Variants in ZNF385D observed in about 807,000 individuals in gnomAD.
ZNF385D encodes zinc finger protein 385D, also known as zinc finger protein 659.
Under a neutral mutation model 35.8 loss-of-function variants are expected in ZNF385D, and 15 were observed. The ratio of observed to expected loss-of-function variants is 0.42; its 90% CI spans 0.28 to 0.64. The LOEUF is 0.64. Ranked by LOEUF, ZNF385D falls within the 30% of genes least tolerant of loss-of-function variation. The pLI is 0.23. For missense variants in ZNF385D, 474 were observed against 494.6 expected, an observed-to-expected ratio of 0.96 and a Z score of 0.39; for synonymous variants, 212 against 186.8, an observed-to-expected ratio of 1.13 and a Z score of -1.10.
chr3:22,231,566 C>G (rs1009551647), intron 2 of ZNF385D, among the ~76,000 whole-genome samples: 6 of 152,030 alleles, frequency 3.9e-5, no homozygotes, highest in African/African-American at 1.2e-4. Context: ...TTGGGGACAC[C>G]AAGGTCTCTG....
intron 2 of ZNF385D, among the ~76,000 whole-genome samples, chr3:22,321,881 TTTA>T (rs1694453538): frequency 6.6e-6 from 1 of 152,100 alleles, no homozygotes; most frequent in Non-Finnish European, 1.5e-5. Flanking sequence ...CTACACTCCC[TTTA>T]TTGAGTGTCT....
intron 3 of ZNF385D, among the ~76,000 whole-genome samples, chr3:21,904,637 A>G (rs1480503114): frequency 6.6e-6 from 1 of 152,200 alleles, no homozygotes; most frequent in Non-Finnish European, 1.5e-5. Flanking sequence ...AATGCAGAAT[A>G]ACACAAATCA....
intron 3 of ZNF385D, among the ~76,000 whole-genome samples, chr3:21,831,239 A>G (rs2125763395): frequency 6.6e-6 from 1 of 152,232 alleles, no homozygotes; most frequent in South Asian, 2.1e-4. Context: ...TCAAAATTTA[A>G]CTGTTCCAGT....
intron 3 of ZNF385D, among the ~76,000 whole-genome samples, chr3:21,892,736 G>A (rs1698936484): frequency 6.6e-6 from 1 of 151,868 alleles, no homozygotes; most frequent in Admixed American, 6.6e-5. Context: ...ACCTCAATTG[G>A]TCTATAGCCC....
chr3:21,722,136 G>A (rs1440309329), intron 1 of ZNF385D, among the ~76,000 whole-genome samples: 1 of 151,074 alleles, frequency 6.6e-6, no homozygotes, highest in Non-Finnish European at 1.5e-5. Flanking sequence ...TGCAAACACA[G>A]GAGAGCAGCA....
intron 2 of ZNF385D, among the ~76,000 whole-genome samples, chr3:21,609,077 C>G (rs1049751634): frequency 6.6e-6 from 1 of 152,172 alleles, no homozygotes; most frequent in African/African-American, 2.4e-5. Flanking sequence ...GTTGTTTTCC[C>G]ACCTGTGCCA....
chr3:21,905,982 C>T (rs761549437), intron 3 of ZNF385D, among the ~76,000 whole-genome samples: 2 of 152,072 alleles, frequency 1.3e-5, no homozygotes, highest in Non-Finnish European at 2.9e-5. Context: ...AGAAAACCTA[C>T]AAATAAATAC....
chr3:21,761,578 C>A (rs552402024), intron 3 of ZNF385D, among the ~76,000 whole-genome samples: 2 of 152,044 alleles, frequency 1.3e-5, no homozygotes, highest in Non-Finnish European at 2.9e-5. Flanking sequence ...CAAGAACCAA[C>A]ATAGAGAGGT....
chr3:21,776,727 TG>T (rs1177371177), intron 3 of ZNF385D, among the ~76,000 whole-genome samples: 1 of 151,906 alleles, frequency 6.6e-6, no homozygotes, highest in Admixed American at 6.6e-5. Context: ...AAAGTAAAGT[TG>T]AACAAAGAAT....
chr3:22,123,129 T>C (rs912938728), intron 3 of ZNF385D, among the ~76,000 whole-genome samples: 1 of 150,844 alleles, frequency 6.6e-6, no homozygotes, highest in African/African-American at 2.4e-5. Context: ...TTGTTGGGAG[T>C]GATTAGAATA....
chr3:22,115,755 G>T (rs982954270), intron 3 of ZNF385D, among the ~76,000 whole-genome samples: 4 of 152,064 alleles, frequency 2.6e-5, no homozygotes, highest in African/African-American at 9.7e-5. Context: ...AATATGTACA[G>T]CTTTAGTCAT....
At chr3:21,748,701 T>G (rs1340003705) in intron 1 of ZNF385D, among the ~76,000 whole-genome samples, 3 of 152,232 alleles carry the variant, frequency 2.0e-5, no homozygotes, top group Non-Finnish European at 2.9e-5. Context: ...CCAACCAATT[T>G]GCAAAGTGAA....
chr3:22,252,869 C>A (rs1479948804), intron 2 of ZNF385D, among the ~76,000 whole-genome samples: 3 of 152,218 alleles, frequency 2.0e-5, no homozygotes, highest in South Asian at 2.1e-4. Flanking sequence ...AAGAGGCACA[C>A]TGGCGAAGAC....
chr3:21,553,139 A>G (rs887565696), intron 3 of ZNF385D, among the ~76,000 whole-genome samples: 1 of 152,218 alleles, frequency 6.6e-6, no homozygotes, highest in African/African-American at 2.4e-5. Flanking sequence ...TGGAACCTGC[A>G]GAAATAACAT....
At chr3:21,903,042 A>G (rs1478414357) in intron 3 of ZNF385D, among the ~76,000 whole-genome samples, 1 of 152,142 alleles carries the variant, frequency 6.6e-6, no homozygotes, top group Non-Finnish European at 1.5e-5. Flanking sequence ...TGGCATGGTG[A>G]TTTGTAAGTA....
At chr3:21,657,482 T>C (rs1361060692) in intron 2 of ZNF385D, among the ~76,000 whole-genome samples, 1 of 151,918 alleles carries the variant, frequency 6.6e-6, no homozygotes, top group African/African-American at 2.4e-5. Flanking sequence ...TGCTTCAGTG[T>C]GAAACGTATA....
intron 2 of ZNF385D, among the ~76,000 whole-genome samples, chr3:22,306,894 T>G (rs1285220992): frequency 2.0e-5 from 3 of 152,160 alleles, no homozygotes; most frequent in Non-Finnish European, 2.9e-5. Flanking sequence ...CAGCTGCGCT[T>G]TGAAGAGCGA....
chr3:22,270,069 G>A (rs2728993), intron 2 of ZNF385D, among the ~76,000 whole-genome samples: 1 of 151,616 alleles, frequency 6.6e-6, no homozygotes, highest in Non-Finnish European at 1.5e-5. Flanking sequence ...GTCTGACTCT[G>A]TAGCAAGCTG....
intron 2 of ZNF385D, among the ~76,000 whole-genome samples, chr3:21,649,269 G>A (rs1182904053): frequency 1.3e-5 from 2 of 152,138 alleles, no homozygotes; most frequent in Non-Finnish European, 2.9e-5. Flanking sequence ...AGCTGTGGGT[G>A]ATACAAGGCT....
Sources: gnomAD v4.1 joint callset for allele counts (sites outside exome capture counted in the v4.1 genomes callset) on GRCh38, gnomAD v4.1.1 for gene constraint, MANE v1.5 for transcripts, NCBI Gene and HGNC (gene_info 2026-07-23, HGNC 2026-07-21) for gene names.